Variants in STAT4 observed in about 807,000 individuals in gnomAD.
The protein encoded by STAT4 is signal transducer and activator of transcription 4.
Under a neutral mutation model 110.5 loss-of-function variants are expected in STAT4, and 42 were observed. The ratio of observed to expected loss-of-function variants is 0.38; its 90% confidence interval spans 0.30 to 0.49. STAT4 has a LOEUF of 0.49. STAT4 is among the 20% of genes least tolerant of loss of function. STAT4 has a pLI of 0.95. For synonymous variants in STAT4, 284 were observed against 302.2 expected (o/e 0.94, Z 0.63); for missense variants, 632 against 887.9 (o/e 0.71, Z 3.66).
At position 191,067,354 on chromosome 2, in the gene STAT4, T is replaced by G. The variant is rs530513487; in HGVS notation, c.545-839A>C. On this transcript the variant is annotated intron_variant, in intron 6 of 23. Coordinates refer to ENST00000392320, the MANE Select transcript of STAT4 (RefSeq NM_003151.4). ...GTGCTCGGAAGCTCCCTGATCTACCTAGAAACTGGACCCCTAAGAGGAACA... is the reference window on the plus strand; with the variant it reads ...GTGCTCGGAAGCTCCCTGATCTACCGAGAAACTGGACCCCTAAGAGGAACA... Among the ~76,000 whole-genome samples the G allele has an allele frequency of 8.1e-4, 123 of 152,204 alleles. 3 individuals are homozygous for G. The South Asian group carries it at 0.023, about 29-fold the overall frequency.
rs185427597 is a variant in STAT4, at chr2:191,145,649, A to T, written c.273+964T>A. On this transcript the variant is annotated intron_variant, in intron 3 of 23. Coordinates refer to ENST00000392320, the MANE Select transcript of STAT4 (RefSeq NM_003151.4). ...CGCAATCCAAACAACAATAGGAAAA[A>T]CAATATATTTGTCCTTCTCACAAAT... Among the ~76,000 whole-genome samples, 208 of 152,340 alleles carry T rather than the reference A, an allele frequency of 1.4e-3. 2 individuals carry two copies. The highest frequency in any genetic ancestry group is 0.01 in the Middle Eastern group (3 of 294).
At position 191,062,529 on chromosome 2, in the gene STAT4, G is replaced by T. The variant is rs1402109726; in HGVS notation, c.941+233C>A. ...AAGATGTGAAAACTGAGCTGTAGGT[G>T]AATGACATGACTTAGCTTGTGGAAA... On this transcript the variant is annotated intron_variant, in intron 9 of 23. Coordinates refer to ENST00000392320, the MANE Select transcript of STAT4 (RefSeq NM_003151.4). This position sits in a 1 kb window ranked among gnomAD's most constrained non-coding sequence, Gnocchi z 4.9. 1.3e-5 allele frequency among the ~76,000 whole-genome samples: 2 copies of T among 152,210 alleles called. No individual in the cohort carries two copies. Among genetic ancestry groups the T allele is most frequent in the Admixed American group, 1.3e-4 (2 of 15,288 alleles).
In STAT4 at chr2:191,135,384, T is replaced by A. The variant is rs367651290; in HGVS notation, c.273+11229A>T. ...CAAAAAGACCTGAACAGACTAATAATGAGTAAGGAGATTGAATTAGTAAGT... is the reference window on the plus strand; with the variant it reads ...CAAAAAGACCTGAACAGACTAATAAAGAGTAAGGAGATTGAATTAGTAAGT... On this transcript the variant is annotated intron_variant, in intron 3 of 23. Coordinates refer to ENST00000392320, the MANE Select transcript of STAT4 (RefSeq NM_003151.4). This position sits in a 1 kb window ranked among gnomAD's most constrained non-coding sequence, Gnocchi z 4.8. Among the ~76,000 whole-genome samples the A allele has an allele frequency of 1.4e-4, 22 of 152,286 alleles. No individual in the cohort carries two copies. The highest frequency in any genetic ancestry group is 9.6e-4 in the East Asian group (5 of 5,182).
intron 14 of STAT4, among the ~76,000 whole-genome samples, chr2:191,049,754 C>CTCT (rs1696467143): frequency 6.6e-6 from 1 of 152,104 alleles, no homozygotes; most frequent in Non-Finnish European, 1.5e-5. Context: ...TGAGAGATAG[C>CTCT]CTTTAATCAC....
At chr2:191,055,559 T>C (rs949144649) in intron 13 of STAT4, among the ~76,000 whole-genome samples, 5 of 151,660 alleles carry the variant, frequency 3.3e-5, no homozygotes, top group African/African-American at 1.2e-4. Context: ...TTCACCGTGT[T>C]AGCCAGGATG....
intron 3 of STAT4, among the ~76,000 whole-genome samples, chr2:191,100,284 C>A (rs1698117642): frequency 6.6e-6 from 1 of 152,068 alleles, no homozygotes; most frequent in Non-Finnish European, 1.5e-5. Flanking sequence ...TACCGTCCAA[C>A]TACTGAGAGA....
chr2:191,145,311 T>C (rs1175444869), intron 3 of STAT4, among the ~76,000 whole-genome samples: 1 of 152,184 alleles, frequency 6.6e-6, no homozygotes, highest in Non-Finnish European at 1.5e-5. Context: ...AAATATTATT[T>C]TAAATTTTAT....
intron 3 of STAT4, among the ~76,000 whole-genome samples, chr2:191,121,407 C>G (rs1415121153): frequency 6.6e-6 from 1 of 152,156 alleles, no homozygotes; most frequent in African/African-American, 2.4e-5. Context: ...TTTGACCCAG[C>G]CATCCCATTA....
chr2:191,101,365 T>C (rs77596869), intron 3 of STAT4, among the ~76,000 whole-genome samples: 224 of 152,316 alleles, frequency 1.5e-3, no homozygotes, highest in African/African-American at 5.2e-3. Flanking sequence ...TATCATTATA[T>C]ATCTGCTTTT....
chr2:191,064,521 GA>G (rs1354027914), intron 8 of STAT4, among the ~76,000 whole-genome samples: 1 of 152,174 alleles, frequency 6.6e-6, no homozygotes, highest in Non-Finnish European at 1.5e-5. Context: ...TGTCCTTAAA[GA>G]AAGTATATTG....
rs1198466896 is a variant in STAT4 at position 191,035,114 on chromosome 2, C to G, written c.1571-517G>C. Among the ~76,000 whole-genome samples the G allele has an allele frequency of 6.6e-6, 1 of 152,136 alleles. No individual in the cohort carries two copies. Among genetic ancestry groups the G allele is most frequent in the African/African-American group, 2.4e-5 (1 of 41,418 alleles). ...AGCCATTGGCTGTTTTGATCCAGAGCAGTGAAAGGATGCAAGAGTTTCCAT... is the reference window on the plus strand; with the variant it reads ...AGCCATTGGCTGTTTTGATCCAGAGGAGTGAAAGGATGCAAGAGTTTCCAT... On this transcript the variant is annotated intron_variant, in intron 17 of 23. Transcript: ENST00000392320. The surrounding 1 kb of genome is among the most constrained non-coding windows in gnomAD (Gnocchi z 4.7).
chr2:191,111,189 T>C (rs1254331405), intron 3 of STAT4, among the ~76,000 whole-genome samples: 2 of 152,232 alleles, frequency 1.3e-5, no homozygotes, highest in African/African-American at 4.8e-5. Flanking sequence ...TCAAAATTAA[T>C]TTAAGATGGG....
intron 3 of STAT4, among the ~76,000 whole-genome samples, chr2:191,079,239 G>GCACACACACACACA (rs1559057253): frequency 4.0e-5 from 1 of 25,278 alleles, no homozygotes; most frequent in African/African-American, 5.6e-5. Context: ...GTCAAGTCAC[G>GCACACACACACACA]CACACACACA....
chr2:191,040,369 T>C (rs779836470), intron 15 of STAT4, among the ~76,000 whole-genome samples: 28 of 151,960 alleles, frequency 1.8e-4, no homozygotes, highest in Non-Finnish European at 3.7e-4. Flanking sequence ...TTTGAAAATA[T>C]ATTACTACAA....
At chr2:191,038,489 G>T (rs1161002351) in intron 16 of STAT4, among the ~76,000 whole-genome samples, 1 of 152,196 alleles carries the variant, frequency 6.6e-6, no homozygotes, top group East Asian at 1.9e-4. Context: ...AAGAAGAAAT[G>T]TTGTTATTTA....
intron 3 of STAT4, chr2:191,122,051 A>G (rs1036841581): frequency 2.0e-5 from 3 of 151,804 alleles, no homozygotes; most frequent in Non-Finnish European, 1.5e-5. Context: ...AGCATTCCAT[A>G]TTTTTTTTGT....
chr2:191,075,886 C>G (rs1559055703), intron 4 of STAT4: 2 of 122,974 alleles, frequency 1.6e-5, no homozygotes, highest in Admixed American at 1.1e-4. Context: ...GAGTCCCTTT[C>G]TGTCACCCAG....
At position 191,064,956 on chromosome 2, in the gene STAT4, C is replaced by T. The variant is rs1175151654; in HGVS notation, c.633G>A (p.Glu211=). The change falls in exon 8 of 24, where the codon GAG becomes GAA. Residue 211 remains glutamate, a splice_region_variant and synonymous_variant. Transcript: ENST00000392320. ...MLNSLDFKRK[E]ALSKMTQIIH... The stretch of plus-strand genomic sequence containing the variant: ...TGATTTGGGTCATTTTACTGAGAGC[C>T]TCCTAAAAACAAAGGGGACTACTGA... The T allele has an allele frequency of 2.5e-6, 4 of 1,595,038 alleles. No homozygotes were observed. The highest frequency in any genetic ancestry group is 2.7e-5 in the African/African-American group (2 of 73,446).
chr2:191,098,077 C>T (rs1448697420), intron 3 of STAT4, among the ~76,000 whole-genome samples: 4 of 152,144 alleles, frequency 2.6e-5, no homozygotes, highest in Non-Finnish European at 5.9e-5. Context: ...CATCTCACAC[C>T]AGTTAGAATT....
Sources: gnomAD v4.1 joint callset for allele counts (sites outside exome capture counted in the v4.1 genomes callset) on GRCh38, gnomAD v4.1.1 for gene constraint, Gnocchi (gnomAD v3.1) non-coding constraint, MANE v1.5 for transcripts, NCBI Gene and HGNC (gene_info 2026-07-23, HGNC 2026-07-21) for gene names.